Variants in WWOX observed in about 807,000 individuals in gnomAD.
WWOX encodes WW domain-containing oxidoreductase.
WWOX carries 69 observed loss-of-function variants against 46.2 expected under a neutral mutation model. That is an observed-to-expected ratio of 1.49 (90% confidence interval 1.23 to 1.82). The LOEUF (loss-of-function observed/expected upper bound fraction) is 1.82. WWOX is among the 40% of genes most tolerant of loss of function. The pLI, the probability that WWOX is intolerant of heterozygous loss-of-function variation, is 0.00. For missense variants in WWOX, 919 were observed against 542.6 expected (o/e 1.69, Z -6.89); for synonymous variants, 359 against 202.6 (o/e 1.77, Z -6.56).
chr16:78,650,224 A>G (rs2046935994), intron 8 of WWOX, among the ~76,000 whole-genome samples: 1 of 152,242 alleles, frequency 6.6e-6, no homozygotes, highest in African/African-American at 2.4e-5. Flanking sequence ...ACATTACTAC[A>G]TACAGTGACC....
At chr16:79,168,783 G>A (rs548986864) in intron 8 of WWOX, among the ~76,000 whole-genome samples, 2 of 152,268 alleles carry the variant, frequency 1.3e-5, no homozygotes, top group African/African-American at 2.4e-5. Context: ...AGATCCCGGA[G>A]CTTGTTTGTA....
At chr16:79,028,686 C>T (rs913714452) in intron 8 of WWOX, among the ~76,000 whole-genome samples, 1 of 151,594 alleles carries the variant, frequency 6.6e-6, no homozygotes, top group African/African-American at 2.4e-5. Context: ...ACACATAAGC[C>T]CCCATGGAAA....
intron 4 of WWOX, among the ~76,000 whole-genome samples, chr16:78,116,629 A>G (rs1007031216): frequency 6.6e-6 from 1 of 152,220 alleles, no homozygotes; most frequent in African/African-American, 2.4e-5. Context: ...ATGGCGTAAT[A>G]TTTAAAACAA....
chr16:78,975,054 C>T (rs901516067), intron 8 of WWOX, among the ~76,000 whole-genome samples: 3 of 152,198 alleles, frequency 2.0e-5, no homozygotes, highest in African/African-American at 7.2e-5. Context: ...TCACTATTGT[C>T]AAGGCTGGGC....
chr16:78,379,851 C>A (rs1005886440), intron 5 of WWOX, among the ~76,000 whole-genome samples: 1 of 152,108 alleles, frequency 6.6e-6, no homozygotes, highest in Non-Finnish European at 1.5e-5. Context: ...AGGCCTGTTG[C>A]CTTGAGATGT....
chr16:78,880,266 C>G (rs1466839879), intron 8 of WWOX, among the ~76,000 whole-genome samples: 2 of 152,186 alleles, frequency 1.3e-5, no homozygotes, highest in African/African-American at 4.8e-5. Flanking sequence ...ATGGAAACAT[C>G]TAAAGGCTAT....
chr16:78,673,323 C>G (rs1597426465), intron 8 of WWOX, among the ~76,000 whole-genome samples: 1 of 152,190 alleles, frequency 6.6e-6, no homozygotes, highest in Admixed American at 6.5e-5. Context: ...GTCTCTTTCT[C>G]TGAGTAGCAG....
At chr16:79,013,157 A>G (rs1171040131) in intron 8 of WWOX, among the ~76,000 whole-genome samples, 2 of 152,146 alleles carry the variant, frequency 1.3e-5, no homozygotes, top group Non-Finnish European at 2.9e-5. Flanking sequence ...CTGGTCTGAA[A>G]GCTGCCACTT....
chr16:78,129,146 AG>A (rs2033484941), intron 4 of WWOX, among the ~76,000 whole-genome samples: 1 of 152,144 alleles, frequency 6.6e-6, no homozygotes, highest in South Asian at 2.1e-4. Flanking sequence ...TTTTCCTCCC[AG>A]GGTTAGCGTC....
At chr16:78,826,869 T>C (rs1158643224) in intron 8 of WWOX, among the ~76,000 whole-genome samples, 1 of 152,180 alleles carries the variant, frequency 6.6e-6, no homozygotes, top group Non-Finnish European at 1.5e-5. Flanking sequence ...GTCCTCTGCC[T>C]CCATCTCCCT....
intron 8 of WWOX, among the ~76,000 whole-genome samples, chr16:78,944,838 G>C (rs1409645414): frequency 2.6e-5 from 4 of 152,068 alleles, no homozygotes. Context: ...TGCTTCCCTG[G>C]TAATTCACCT....
chr16:79,140,169 C>T (rs2050062520), intron 8 of WWOX, among the ~76,000 whole-genome samples: 1 of 152,152 alleles, frequency 6.6e-6, no homozygotes, highest in Non-Finnish European at 1.5e-5. Flanking sequence ...AGGACTTTAT[C>T]TGCAGTCCTA....
intron 8 of WWOX, among the ~76,000 whole-genome samples, chr16:78,664,250 G>A (rs79708909): frequency 0.012 from 1,876 of 152,234 alleles, 20 homozygotes; most frequent in Middle Eastern, 0.041. Flanking sequence ...GTCAGTTTTC[G>A]TGTCTCCCTC....
intron 8 of WWOX, among the ~76,000 whole-genome samples, chr16:79,116,988 G>C (rs2049529230): frequency 1.3e-5 from 2 of 152,018 alleles, no homozygotes; most frequent in Admixed American, 6.6e-5. Flanking sequence ...CATTAATCTT[G>C]TACATCTCCA....
chr16:78,996,633 T>G (rs1202148435), intron 8 of WWOX, among the ~76,000 whole-genome samples: 1 of 152,014 alleles, frequency 6.6e-6, no homozygotes, highest in Non-Finnish European at 1.5e-5. Context: ...TTATGTCCAT[T>G]CAGGGAGACT....
At chr16:78,280,748 C>T (rs2079663519) in intron 5 of WWOX, 1 of 152,164 alleles carries the variant, frequency 6.6e-6, no homozygotes, top group Non-Finnish European at 1.5e-5. Flanking sequence ...TTTAATTTTA[C>T]ATAAACATGC....
At chr16:79,014,313 G>T (rs1042937396) in intron 8 of WWOX, among the ~76,000 whole-genome samples, 7 of 152,266 alleles carry the variant, frequency 4.6e-5, no homozygotes, top group African/African-American at 7.2e-5. Flanking sequence ...TGCTTTCCTG[G>T]GGTGGTTCTG....
intron 8 of WWOX, among the ~76,000 whole-genome samples, chr16:78,882,983 C>T (rs1183665318): frequency 6.6e-6 from 1 of 152,120 alleles, no homozygotes; most frequent in African/African-American, 2.4e-5. Flanking sequence ...CTGTGAGTGA[C>T]ATGTTTCTTT....
At chr16:78,735,504 A>G (rs1023184436) in intron 8 of WWOX, among the ~76,000 whole-genome samples, 3 of 151,994 alleles carry the variant, frequency 2.0e-5, no homozygotes, top group African/African-American at 7.2e-5. Context: ...GAACTCGAGG[A>G]CTTATGCCGA....
Sources: allele counts gnomAD v4.1 joint callset (sites outside exome capture counted in the v4.1 genomes callset), GRCh38; gene constraint gnomAD v4.1.1; transcripts MANE v1.5; gene names NCBI Gene and HGNC (gene_info 2026-07-23, HGNC 2026-07-21).